Variants in SH3RF3 observed in about 807,000 individuals in gnomAD.
SH3RF3 encodes SH3 domain containing ring finger 3.
In SH3RF3, 29 loss-of-function variants were observed where a neutral mutation model predicts 66.3. The ratio of observed to expected loss-of-function variants is 0.44; its 90% CI spans 0.33 to 0.60. The LOEUF is 0.60. Ranked by LOEUF, SH3RF3 falls within the 20% of genes least tolerant of loss-of-function variation. The pLI is 0.04. For synonymous variants in SH3RF3, 583 were observed against 532.0 expected (o/e 1.10, Z -1.32); for missense variants, 1,194 against 1,190.9 (o/e 1.00, Z -0.04).
intron 8 of SH3RF3, among the ~76,000 whole-genome samples, chr2:109,466,072 CTTTTTTTTTTTTTT>C (rs1171998206): frequency 2.4e-5 from 2 of 82,332 alleles, no homozygotes; most frequent in Admixed American, 3.6e-4. Flanking sequence ...ACCTGTACAT[CTTTTTTTTTTTTTT>C]TTTTTTTTTT....
At chr2:109,296,783 G>C (rs1574556980) in intron 1 of SH3RF3, among the ~76,000 whole-genome samples, 1 of 152,308 alleles carries the variant, frequency 6.6e-6, no homozygotes, top group East Asian at 1.9e-4. Context: ...TGTGGGAATA[G>C]GCAGTGGTCA....
At chr2:109,223,942 C>T (rs540203888) in intron 1 of SH3RF3, among the ~76,000 whole-genome samples, 2 of 152,236 alleles carry the variant, frequency 1.3e-5, no homozygotes, top group African/African-American at 4.8e-5. Context: ...GTGTGGGTTG[C>T]AGTGAGCCAT....
Position 109,390,107 on chromosome 2 carries a change from C to T in SH3RF3, c.946-8483C>T, listed in dbSNP as rs117214703. ...ACTCGCCCAGGATTTAAGTGTCTAC[C>T]GGAGGCCATGCGGGTCCCCACCTGC... On this transcript the variant is annotated intron_variant, in intron 3 of 9. Transcript: ENST00000309415. Among the ~76,000 whole-genome samples, 115 of 152,284 alleles carry T rather than the reference C, an allele frequency of 7.6e-4. 1 individual carries two copies. In the East Asian group the frequency reaches 0.011, roughly 14 times the overall value.
intron 3 of SH3RF3, among the ~76,000 whole-genome samples, chr2:109,392,671 A>G (rs993259600): frequency 6.6e-6 from 1 of 151,820 alleles, no homozygotes; most frequent in Admixed American, 6.6e-5. Flanking sequence ...GGCGCCTGCC[A>G]CCACGCCCGG....
intron 8 of SH3RF3, among the ~76,000 whole-genome samples, chr2:109,473,589 G>A (rs973614016): frequency 3.9e-4 from 60 of 152,318 alleles, no homozygotes; most frequent in African/African-American, 1.4e-3. Flanking sequence ...ATTCAAAGAA[G>A]ATGGTTTCTG....
rs555047910 is a variant in SH3RF3, at chr2:109,253,021, T to G, written c.574-94653T>G. ...GTAGACCCACATGTGTAGCCTTTACTTTTTTTTTCTTTTTTTTTATTTAAG... is the reference window on the plus strand; with the variant it reads ...GTAGACCCACATGTGTAGCCTTTACGTTTTTTTTCTTTTTTTTTATTTAAG... On this transcript the variant is annotated intron_variant, in intron 1 of 9. Coordinates refer to ENST00000309415, the MANE Select transcript of SH3RF3 (RefSeq NM_001099289.3). Among the ~76,000 whole-genome samples the G allele has an allele frequency of 1.1e-3, 161 of 151,634 alleles. 1 individual carries two copies. The highest frequency in any genetic ancestry group is 3.7e-3 in the African/African-American group (152 of 41,318).
At chr2:109,293,187 T>C (rs1348826366) in intron 1 of SH3RF3, among the ~76,000 whole-genome samples, 1 of 152,182 alleles carries the variant, frequency 6.6e-6, no homozygotes, top group Non-Finnish European at 1.5e-5. Context: ...CCGATGGTGC[T>C]GTGTGGGGCC....
At chr2:109,498,386 T>C (rs771220710) in intron 9 of SH3RF3, among the ~76,000 whole-genome samples, 1 of 152,292 alleles carries the variant, frequency 6.6e-6, no homozygotes, top group African/African-American at 2.4e-5. Context: ...GCCAGCCTGG[T>C]GCAAGCTGGG....
chr2:109,290,856 T>G (rs534627824), intron 1 of SH3RF3, among the ~76,000 whole-genome samples: 1 of 152,268 alleles, frequency 6.6e-6, no homozygotes, highest in Non-Finnish European at 1.5e-5. Flanking sequence ...ATTTAAGGCT[T>G]AAATATTATT....
chr2:109,229,889 A>C (rs113780508), intron 1 of SH3RF3, among the ~76,000 whole-genome samples: 9 of 148,442 alleles, frequency 6.1e-5, no homozygotes, highest in Non-Finnish European at 1.0e-4. Flanking sequence ...CAGTGGCGCA[A>C]TCTTGGCTCA....
At chr2:109,406,852 G>A (rs1460403873) in intron 4 of SH3RF3, among the ~76,000 whole-genome samples, 1 of 152,014 alleles carries the variant, frequency 6.6e-6, no homozygotes, top group African/African-American at 2.4e-5. Flanking sequence ...AGTGGTCGAA[G>A]CCAATCTTAC....
chr2:109,243,955 A>G (rs574732776), intron 1 of SH3RF3, among the ~76,000 whole-genome samples: 2 of 152,334 alleles, frequency 1.3e-5, no homozygotes, highest in East Asian at 3.9e-4. Flanking sequence ...AGCCATGGGC[A>G]CTTGGTGGTT....
At chr2:109,486,511 A>C (rs1349295281) in intron 8 of SH3RF3, among the ~76,000 whole-genome samples, 1 of 152,260 alleles carries the variant, frequency 6.6e-6, no homozygotes, top group Middle Eastern at 3.2e-3. Context: ...GAGTAAACAC[A>C]TTATAAAAAC....
At chr2:109,355,144 A>G (rs1398276319) in intron 2 of SH3RF3, among the ~76,000 whole-genome samples, 3 of 152,366 alleles carry the variant, frequency 2.0e-5, no homozygotes, top group Admixed American at 6.5e-5. Context: ...ATACCAGGGA[A>G]TAGGGAAAAC....
At chr2:109,324,296 G>T (rs1270105626) in intron 1 of SH3RF3, among the ~76,000 whole-genome samples, 4 of 152,176 alleles carry the variant, frequency 2.6e-5, no homozygotes, top group African/African-American at 9.7e-5. Flanking sequence ...TTGTGGACAG[G>T]TTTCCACTGC....
intron 8 of SH3RF3, among the ~76,000 whole-genome samples, chr2:109,484,162 G>A (rs1342942327): frequency 1.3e-5 from 2 of 151,140 alleles, no homozygotes; most frequent in Non-Finnish European, 2.9e-5. Context: ...TGCCTTCTGG[G>A]TTCAAGCGAT....
chr2:109,389,029 G>A (rs551761903), intron 3 of SH3RF3, among the ~76,000 whole-genome samples: 1 of 152,308 alleles, frequency 6.6e-6, no homozygotes, highest in East Asian at 1.9e-4. Context: ...TACACCAGGA[G>A]CCCATCACAT....
intron 8 of SH3RF3, among the ~76,000 whole-genome samples, chr2:109,466,806 T>A (rs1443653107): frequency 3.9e-5 from 6 of 151,944 alleles, no homozygotes; most frequent in Non-Finnish European, 1.5e-5. Flanking sequence ...TCTATATGTG[T>A]GTATGTCTAT....
intron 1 of SH3RF3, among the ~76,000 whole-genome samples, chr2:109,149,019 C>CCCCA (rs1677167692): frequency 6.6e-6 from 1 of 151,948 alleles, no homozygotes; most frequent in South Asian, 2.1e-4. Context: ...ACTGCAGATC[C>CCCCA]CCCTTTCTCT....
Sources: gnomAD v4.1 joint callset for allele counts (sites outside exome capture counted in the v4.1 genomes callset) on GRCh38, gnomAD v4.1.1 for gene constraint, MANE v1.5 for transcripts, NCBI Gene and HGNC (gene_info 2026-07-23, HGNC 2026-07-21) for gene names.